Variants in R3HCC1L observed in about 807,000 individuals in gnomAD.
R3HCC1L encodes coiled-coil domain-containing protein R3HCC1L.
R3HCC1L carries 51 observed loss-of-function variants against 59.9 expected under a neutral mutation model. That is an observed-to-expected ratio of 0.85 (90% CI 0.68 to 1.07). The LOEUF (loss-of-function observed/expected upper bound fraction) is 1.07, where lower values mean the gene tolerates loss of function less well. Among genes scored for constraint, R3HCC1L ranks in the 50% least tolerant of loss-of-function variants. The pLI, the probability that R3HCC1L is intolerant of heterozygous loss-of-function variation, is 0.00. For missense variants in R3HCC1L, 965 were observed against 933.0 expected, an observed-to-expected ratio of 1.03 and a Z score of -0.45; for synonymous variants, 322 against 315.2, an observed-to-expected ratio of 1.02 and a Z score of -0.23.
At chr10:98,202,678 C>T (rs1315115703) in intron 4 of R3HCC1L, among the ~76,000 whole-genome samples, 2 of 151,992 alleles carry the variant, frequency 1.3e-5, no homozygotes, top group Non-Finnish European at 2.9e-5. Context: ...ATGGTGAAAC[C>T]CTGTCTCTAC....
intron 4 of R3HCC1L, among the ~76,000 whole-genome samples, chr10:98,196,283 TC>T (rs902433949): frequency 6.6e-6 from 1 of 152,132 alleles, no homozygotes; most frequent in African/African-American, 2.4e-5. Flanking sequence ...TTAGTCTTCC[TC>T]CCCTCATACT....
Position 98,244,078 on chromosome 10 carries a change from C to T in R3HCC1L, c.2270-13C>T, listed in dbSNP as rs746397637. 32 of 1,613,060 alleles carry T rather than the reference C, an allele frequency of 2.0e-5. No individual in the cohort carries two copies. Among genetic ancestry groups the T allele is most frequent in the Non-Finnish European group, 2.6e-5 (31 of 1,179,166 alleles). On this transcript the variant is annotated splice_polypyrimidine_tract_variant and intron_variant, in intron 9 of 9. Transcript: ENST00000298999. ...AAGTAGACAACTGTGGTTAATACTG[C>T]TCTTATTTACAGAGAGAAAGCGGTT...
intron 2 of R3HCC1L, among the ~76,000 whole-genome samples, chr10:98,156,767 G>T (rs1178223677): frequency 6.6e-6 from 1 of 152,208 alleles, no homozygotes; most frequent in Non-Finnish European, 1.5e-5. Flanking sequence ...ACTTTCAGAA[G>T]TAAGGGGCTA....
At chr10:98,216,557 T>G (rs1182686575) in intron 5 of R3HCC1L, among the ~76,000 whole-genome samples, 1 of 152,046 alleles carries the variant, frequency 6.6e-6, no homozygotes, top group African/African-American at 2.4e-5. Context: ...AAGTCTTGGG[T>G]TTTTTTGTTC....
intron 4 of R3HCC1L, among the ~76,000 whole-genome samples, chr10:98,190,959 C>T (rs1322186608): frequency 2.0e-5 from 3 of 152,236 alleles, no homozygotes; most frequent in East Asian, 3.9e-4. Context: ...CACCTTCATC[C>T]ATGTCCCTGC....
Position 98,209,741 on chromosome 10 carries a change from G to T in R3HCC1L, c.1627G>T (p.Val543Leu), listed in dbSNP as rs148867373. The T allele has an allele frequency of 6.2e-7, 1 of 1,613,894 alleles. No individual in the cohort carries two copies. The highest frequency in any genetic ancestry group is 1.3e-5 in the African/African-American group (1 of 74,988). The change falls in exon 5 of 10, where the codon GTA becomes TTA. Residue 543 changes from valine to leucine, a missense_variant. Val to Leu is a conservative substitution (Grantham distance 32, BLOSUM62 1). Coordinates refer to ENST00000298999, the MANE Select transcript of R3HCC1L (RefSeq NM_001351015.2). ...QDDSGSIEFG[V>L]SFPDRESSSM... ...TGACTCAGGGAGTATAGAATTTGGT[G>T]TATCTTTTCCTGATAGGGAATCATC...
intron 4 of R3HCC1L, among the ~76,000 whole-genome samples, chr10:98,164,382 G>A (rs1017229472): frequency 2.6e-5 from 4 of 152,144 alleles, no homozygotes; most frequent in African/African-American, 9.7e-5. Flanking sequence ...TTTTTTCTTA[G>A]TCTTCTTGCT....
intron 6 of R3HCC1L, among the ~76,000 whole-genome samples, chr10:98,232,583 G>A (rs1856517240): frequency 6.6e-6 from 1 of 152,190 alleles, no homozygotes; most frequent in African/African-American, 2.4e-5. Context: ...TCAGGGTCTG[G>A]AAGAAAGTCA....
At chr10:98,162,283 G>A (rs1847502512) in intron 2 of R3HCC1L, among the ~76,000 whole-genome samples, 1 of 152,154 alleles carries the variant, frequency 6.6e-6, no homozygotes, top group South Asian at 2.1e-4. Context: ...CCTTGTAGAA[G>A]TCTAGTTACT....
intron 1 of R3HCC1L, among the ~76,000 whole-genome samples, chr10:98,137,998 C>T (rs543160742): frequency 1.3e-5 from 2 of 151,262 alleles, no homozygotes; most frequent in Non-Finnish European, 2.9e-5. Context: ...TTCTTAGTGA[C>T]TGATGCTAAT....
At chr10:98,204,910 G>T (rs1259759849) in intron 4 of R3HCC1L, among the ~76,000 whole-genome samples, 1 of 152,020 alleles carries the variant, frequency 6.6e-6, no homozygotes, top group South Asian at 2.1e-4. Context: ...CATATCTGCC[G>T]CAGATAAGAG....
chr10:98,231,392 C>A, intron 5 of R3HCC1L, 120 bp from the exon 6 acceptor site: 1 of 927,054 alleles, frequency 1.1e-6, no homozygotes, highest in Non-Finnish European at 1.6e-6. Flanking sequence ...AGAGACTATG[C>A]CAAAGGTTGA....
intron 5 of R3HCC1L, among the ~76,000 whole-genome samples, chr10:98,222,959 G>A (rs1179704307): frequency 2.0e-5 from 3 of 152,064 alleles, no homozygotes; most frequent in African/African-American, 7.2e-5. Flanking sequence ...TAAATTCCTC[G>A]ACACATACAC....
At chr10:98,180,266 C>T (rs1228466246) in intron 4 of R3HCC1L, among the ~76,000 whole-genome samples, 2 of 151,978 alleles carry the variant, frequency 1.3e-5, no homozygotes, top group Non-Finnish European at 2.9e-5. Context: ...GTTTTTGTTC[C>T]CATTGGTTTC....
At chr10:98,170,325 G>T (rs987375472) in intron 4 of R3HCC1L, among the ~76,000 whole-genome samples, 3 of 151,806 alleles carry the variant, frequency 2.0e-5, no homozygotes, top group Non-Finnish European at 4.4e-5. Flanking sequence ...CTTTTTGTTG[G>T]TTTGTTTTGA....
chr10:98,152,792 G>A (rs1220000446), intron 1 of R3HCC1L, among the ~76,000 whole-genome samples: 6 of 149,348 alleles, frequency 4.0e-5, no homozygotes, highest in South Asian at 2.1e-4. Flanking sequence ...CCCTCCGCCC[G>A]GCAGCCGCCC....
chr10:98,226,586 C>T (rs1855697277), intron 5 of R3HCC1L, among the ~76,000 whole-genome samples: 1 of 152,100 alleles, frequency 6.6e-6, no homozygotes, highest in Admixed American at 6.6e-5. Context: ...TGCAAAGTGC[C>T]CTAAATAATC....
At chr10:98,235,051 G>T (rs968351695) in intron 7 of R3HCC1L, among the ~76,000 whole-genome samples, 7 of 152,080 alleles carry the variant, frequency 4.6e-5, no homozygotes, top group African/African-American at 1.7e-4. Context: ...TTCTATAAAG[G>T]ACCAAACAGT....
At chr10:98,217,663 C>T (rs1590754778) in intron 5 of R3HCC1L, among the ~76,000 whole-genome samples, 2 of 152,042 alleles carry the variant, frequency 1.3e-5, no homozygotes, top group South Asian at 2.1e-4. Flanking sequence ...AGATGTCTTC[C>T]GATTTGTTTG....
Sources: allele counts gnomAD v4.1 joint callset (sites outside exome capture counted in the v4.1 genomes callset), GRCh38; gene constraint gnomAD v4.1.1; transcripts MANE v1.5; gene names NCBI Gene and HGNC (gene_info 2026-07-23, HGNC 2026-07-21).